Variants in SLC16A4 observed in about 807,000 individuals in gnomAD.
SLC16A4 encodes the protein probable monocarboxylate transporter 5.
Under a neutral mutation model 47.9 loss-of-function variants are expected in SLC16A4, and 39 were observed. That is an observed-to-expected ratio of 0.81 (90% CI 0.63 to 1.06). SLC16A4 has a LOEUF of 1.06. SLC16A4 is among the 50% of genes least tolerant of loss of function. The pLI, the probability that SLC16A4 is intolerant of heterozygous loss-of-function variation, is 0.00. For missense variants in SLC16A4, 524 were observed against 573.8 expected, an observed-to-expected ratio of 0.91 and a Z score of 0.89; for synonymous variants, 189 against 199.9, an observed-to-expected ratio of 0.95 and a Z score of 0.46.
intron 8 of SLC16A4, among the ~76,000 whole-genome samples, chr1:110,367,241 C>T (rs1167844139): frequency 6.6e-6 from 1 of 152,232 alleles, no homozygotes; most frequent in Non-Finnish European, 1.5e-5. Flanking sequence ...TGCCTGTAAT[C>T]CTAGCACTTT....
At chr1:110,388,047 C>T (rs1662824997) in intron 2 of SLC16A4, among the ~76,000 whole-genome samples, 1 of 152,154 alleles carries the variant, frequency 6.6e-6, no homozygotes, top group Admixed American at 6.5e-5. Context: ...ACCTGTGCTA[C>T]CTTTCCCCGT....
intron 7 of SLC16A4, 21 bp from the exon 8 acceptor site, chr1:110,375,572 T>C (rs764782434): frequency 7.2e-7 from 1 of 1,387,282 alleles, no homozygotes; most frequent in Non-Finnish European, 1.0e-6. Flanking sequence ...TAGAATTCAG[T>C]GTTAGCCATA....
chr1:110,388,107 G>A (rs1662829338), intron 2 of SLC16A4, among the ~76,000 whole-genome samples: 2 of 152,076 alleles, frequency 1.3e-5, no homozygotes, highest in African/African-American at 4.8e-5. Context: ...GCAAGAAAAG[G>A]GTGTTTTTTT....
chr1:110,384,231 G>C (rs1662608666), intron 2 of SLC16A4, among the ~76,000 whole-genome samples: 1 of 152,140 alleles, frequency 6.6e-6, no homozygotes, highest in Admixed American at 6.5e-5. Flanking sequence ...TCTTAGATTA[G>C]TTTTGATTTA....
At chr1:110,387,920 A>G (rs1236978839) in intron 2 of SLC16A4, among the ~76,000 whole-genome samples, 2 of 106,450 alleles carry the variant, frequency 1.9e-5, no homozygotes, top group African/African-American at 3.6e-5. Flanking sequence ...CTGGCTGGGG[A>G]CCTCTGCCCC....
At position 110,382,851 on chromosome 1, in the gene SLC16A4, G is replaced by T; in HGVS notation, c.203C>A (p.Ser68Tyr). The change falls in exon 3 of 9, where the codon TCT becomes TAT. Residue 68 changes from serine to tyrosine, a missense_variant. Ser to Tyr is a moderately radical substitution (Grantham distance 144). Transcript: ENST00000369779. ...QIGWIGSIMS[S>Y]LRFCAGPLVA... ...CTTTATACCTGCACAAAAACGAAGA[G>T]ATGACATGATGGATCCAATCCAACC... 6.2e-7 allele frequency: 1 copy of T among 1,606,110 alleles called. No individual in the cohort carries two copies. Among genetic ancestry groups the T allele is most frequent in the African/African-American group, 1.3e-5 (1 of 74,850 alleles).
chr1:110,365,515 T>C (rs1377928187), intron 8 of SLC16A4, among the ~76,000 whole-genome samples: 2 of 152,222 alleles, frequency 1.3e-5, no homozygotes, highest in Non-Finnish European at 2.9e-5. Flanking sequence ...TGACTCCTGT[T>C]TGATTAGTGA....
intron 8 of SLC16A4, among the ~76,000 whole-genome samples, chr1:110,365,953 T>G (rs929347328): frequency 1.3e-5 from 2 of 152,106 alleles, no homozygotes; most frequent in Admixed American, 1.3e-4. Flanking sequence ...TTTCTTTTCT[T>G]TTCTTTTTTT....
chr1:110,373,942 G>T (rs1381679204), intron 8 of SLC16A4, among the ~76,000 whole-genome samples: 2 of 151,792 alleles, frequency 1.3e-5, no homozygotes, highest in Non-Finnish European at 2.9e-5. Context: ...CTCCCTAAGT[G>T]CTGGGATTAT....
intron 8 of SLC16A4, among the ~76,000 whole-genome samples, chr1:110,373,835 T>A (rs1045749711): frequency 6.6e-6 from 1 of 151,348 alleles, no homozygotes; most frequent in Non-Finnish European, 1.5e-5. Context: ...CCATCACACC[T>A]GGCTGATTTT....
chr1:110,381,075 C>T lies in SLC16A4; in HGVS notation c.433G>A (p.Ala145Thr). 1.9e-6 allele frequency: 3 copies of T among 1,614,036 alleles called. No homozygotes were observed. The highest frequency in any genetic ancestry group is 2.5e-6 in the Non-Finnish European group (3 of 1,179,958). ...GAACGGGCAATAGCTGTAGAAAGAG[C>T]CAATCGTTTTTTGAAGTATTTGGTA... Reference protein sequence around the residue: ...VTTKYFKKRLALSTAIARSGM... With the variant: ...VTTKYFKKRLTLSTAIARSGM... The change falls in exon 5 of 9, where the codon GCT (alanine) becomes ACT (threonine). Residue 145 changes from alanine (A) to threonine (T), a missense_variant. Coordinates refer to ENST00000369779, the MANE Select transcript of SLC16A4 (RefSeq NM_004696.3).
intron 2 of SLC16A4, among the ~76,000 whole-genome samples, chr1:110,385,352 GATTA>G (rs1662678488): frequency 6.6e-6 from 1 of 152,190 alleles, no homozygotes; most frequent in African/African-American, 2.4e-5. Flanking sequence ...AGACTGTGAA[GATTA>G]ATTGAGAAAA....
rs112005607 is a variant in SLC16A4, at chr1:110,381,548, T to G, written c.364+104A>C. On this transcript the variant is annotated intron_variant, in intron 4 of 8. Coordinates refer to ENST00000369779, the MANE Select transcript of SLC16A4 (RefSeq NM_004696.3). ...CATGTTGCCCAGGCTGGTCTCGAAC[T>G]GGACTCAAGCGATCCACCCACTTTG... is the stretch of plus-strand genomic sequence containing the variant. 183 of 1,147,298 alleles carry G rather than the reference T, an allele frequency of 1.6e-4. 1 individual carries two copies. In the South Asian group the frequency reaches 2.7e-3, roughly 17 times the overall value. 71.1% of individuals were successfully genotyped at this position (1,147,298 alleles called of 1,614,324 possible).
At chr1:110,385,466 A>G (rs138106285) in intron 2 of SLC16A4, among the ~76,000 whole-genome samples, 85 of 152,330 alleles carry the variant, frequency 5.6e-4, no homozygotes, top group Middle Eastern at 3.4e-3. Flanking sequence ...ATTGTCTACC[A>G]TATCTTTATA....
Position 110,381,159 on chromosome 1 carries a change from A to G in SLC16A4, c.365-16T>C, listed in dbSNP as rs116310834. 1,928 of 1,611,106 alleles carry G rather than the reference A, an allele frequency of 1.2e-3. 25 individuals carry two copies. In the African/African-American group the frequency reaches 0.023, roughly 19 times the overall value. On this transcript the variant is annotated splice_polypyrimidine_tract_variant and intron_variant, in intron 4 of 8. Coordinates refer to ENST00000369779, the MANE Select transcript of SLC16A4 (RefSeq NM_004696.3). ...GAACCCAAACCTAAAAGAAAAACGT[A>G]ATAGTTTAGAATCACTCTTACATTA...
intron 8 of SLC16A4, chr1:110,372,246 A>G (rs1290787870): frequency 6.6e-6 from 1 of 152,158 alleles, no homozygotes; most frequent in South Asian, 2.1e-4. Context: ...TTGACTGAAG[A>G]TTATTATGAA....
rs575250076 is a variant in SLC16A4 at position 110,382,190 on chromosome 1, C to T, written c.221-395G>A. Among the ~76,000 whole-genome samples the T allele has an allele frequency of 2.3e-4, 35 of 152,230 alleles. 1 individual carries two copies. The South Asian group carries it at 6.4e-3, about 28-fold the overall frequency. ...TTCTATAATTTGTTTTGAGGCTGGA[C>T]GCCGTGGCTCTTTAATCCCATACTT... On this transcript the variant is annotated intron_variant, in intron 3 of 8. Transcript: ENST00000369779.
At chr1:110,381,192 T>C (rs1662361416) in intron 4 of SLC16A4, 49 bp from the exon 5 acceptor site, 2 of 1,556,822 alleles carry the variant, frequency 1.3e-6, no homozygotes. Context: ...TTAAGTGGCT[T>C]GGTAACAGAA....
chr1:110,379,073 T>G lies in SLC16A4; in HGVS notation c.810A>C (p.Arg270Ser), dbSNP rs1466463038. The G allele has an allele frequency of 3.7e-6, 6 of 1,614,114 alleles. No homozygotes were observed. The highest frequency in any genetic ancestry group is 5.1e-6 in the Non-Finnish European group (6 of 1,180,032). ...EEFYNGPNRNRLLLKSDEESD... is the reference protein window; with the variant it reads ...EEFYNGPNRNSLLLKSDEESD... Reference sequence around the variant, plus strand: ...TTTCTTCATCACTCTTTAATAACAGTCTGTTCCTGTTAGGCCCATTGTAGA... The same window carrying G: ...TTTCTTCATCACTCTTTAATAACAGGCTGTTCCTGTTAGGCCCATTGTAGA... The change falls in exon 6 of 9, where the codon AGA (arginine) becomes AGC (serine). Residue 270 changes from arginine to serine, a missense_variant. By Grantham distance (110) the Arg-to-Ser change is moderately radical (BLOSUM62 -1). Transcript: ENST00000369779.
Sources: gnomAD v4.1 joint callset for allele counts (sites outside exome capture counted in the v4.1 genomes callset) on GRCh38, gnomAD v4.1.1 for gene constraint, MANE v1.5 for transcripts, NCBI Gene and HGNC (gene_info 2026-07-23, HGNC 2026-07-21) for gene names.